The following ZNF407 variants were observed in gnomAD, a reference collection of about 807,000 sequenced individuals.
ZNF407 encodes zinc finger protein 407.
ZNF407 carries 17 observed loss-of-function variants against 131.2 expected under a neutral mutation model. The ratio of observed to expected loss-of-function variants is 0.13; its 90% CI spans 0.09 to 0.19. The LOEUF (loss-of-function observed/expected upper bound fraction) is 0.19. Among genes scored for constraint, ZNF407 ranks in the 10% least tolerant of loss-of-function variants. The probability of loss-of-function intolerance (pLI) is 1.00; values close to 1 mark genes in which losing one functional copy is unlikely to be tolerated. For missense variants in ZNF407, 2,681 were observed against 2,830.6 expected, an observed-to-expected ratio of 0.95 and a Z score of 1.20; for synonymous variants, 1,156 against 1,062.0, an observed-to-expected ratio of 1.09 and a Z score of -1.72.
intron 8 of ZNF407, among the ~76,000 whole-genome samples, chr18:75,006,057 G>T (rs143656667): frequency 6.6e-6 from 1 of 152,280 alleles, no homozygotes; most frequent in East Asian, 1.9e-4. Context: ...ACTGAGAGAG[G>T]CATGTCGGAT....
At chr18:74,981,175 T>C (rs1005689652) in intron 8 of ZNF407, among the ~76,000 whole-genome samples, 2 of 152,242 alleles carry the variant, frequency 1.3e-5, no homozygotes, top group African/African-American at 4.8e-5. Flanking sequence ...AGTGTCTTGA[T>C]ACTCAACGCC....
At chr18:74,980,330 G>A (rs953324007) in intron 8 of ZNF407, among the ~76,000 whole-genome samples, 4 of 150,712 alleles carry the variant, frequency 2.7e-5, no homozygotes, top group Non-Finnish European at 4.4e-5. Context: ...TTTTTGAGAC[G>A]GAGTTTCGCT....
chr18:74,603,966 A>G (rs1211510241), intron 1 of ZNF407, among the ~76,000 whole-genome samples: 2 of 152,220 alleles, frequency 1.3e-5, no homozygotes. Flanking sequence ...GCCATAAAGA[A>G]CAAAGGAAAA....
At chr18:74,609,148 G>A (rs1168195139) in intron 1 of ZNF407, among the ~76,000 whole-genome samples, 1 of 152,162 alleles carries the variant, frequency 6.6e-6, no homozygotes, top group Non-Finnish European at 1.5e-5. Flanking sequence ...GCTGATCTCC[G>A]TCAATCAATC....
At chr18:74,802,314 T>C (rs1182338211) in intron 4 of ZNF407, among the ~76,000 whole-genome samples, 3 of 152,200 alleles carry the variant, frequency 2.0e-5, no homozygotes, top group Non-Finnish European at 4.4e-5. Flanking sequence ...TGTTACTAGT[T>C]AATAGGCATA....
Position 74,881,052 on chromosome 18 carries a change from G to T in ZNF407, c.5061G>T (p.Leu1687=). Residue 1687 remains leucine (L), a synonymous_variant, in exon 6 of 9, where the codon CTG becomes CTT. Transcript: ENST00000299687. ...YRTHTGEKSF[L]CDLCGFAGGT... The stretch of plus-strand genomic sequence containing the variant: ...TTGCAACAGGCGAGAAGTCGTTTCT[G>T]TGTGACCTCTGCGGCTTTGCCGGCG... The T allele has an allele frequency of 6.3e-7, 1 of 1,586,812 alleles. No individual in the cohort carries two copies. Among genetic ancestry groups the T allele is most frequent in the Non-Finnish European group, 8.6e-7 (1 of 1,165,894 alleles).
At chr18:74,610,454 A>T in intron 1 of ZNF407, among the ~76,000 whole-genome samples, 1 of 152,094 alleles carries the variant, frequency 6.6e-6, no homozygotes, top group East Asian at 1.9e-4. Context: ...GTAATTACCC[A>T]TTTAGGTAAT....
intron 1 of ZNF407, chr18:74,598,598 T>G (rs1982421734): frequency 6.6e-6 from 1 of 152,350 alleles, no homozygotes; most frequent in Non-Finnish European, 1.5e-5. Flanking sequence ...GACGCTGGTG[T>G]GGGCGGGCGG....
intron 3 of ZNF407, among the ~76,000 whole-genome samples, chr18:74,766,463 G>T (rs537744802): frequency 6.6e-6 from 1 of 152,138 alleles, no homozygotes; most frequent in African/African-American, 2.4e-5. Flanking sequence ...TGATCTATGT[G>T]GCAATGCCTG....
intron 7 of ZNF407, among the ~76,000 whole-genome samples, chr18:74,919,916 C>G (rs973115499): frequency 1.3e-5 from 2 of 152,136 alleles, no homozygotes; most frequent in Admixed American, 6.5e-5. Context: ...ATATATGGGC[C>G]CTCCGTTGCA....
intron 3 of ZNF407, among the ~76,000 whole-genome samples, chr18:74,759,670 A>G (rs1227669860): frequency 2.6e-5 from 4 of 151,686 alleles, no homozygotes; most frequent in Non-Finnish European, 5.9e-5. Flanking sequence ...TTTTCGTTCA[A>G]TTATTTTACT....
intron 4 of ZNF407, among the ~76,000 whole-genome samples, chr18:74,811,852 C>T (rs1021704218): frequency 5.5e-5 from 8 of 145,512 alleles, no homozygotes; most frequent in Admixed American, 1.4e-4. Context: ...GGAAGGGGAA[C>T]ATCACACTCT....
intron 8 of ZNF407, among the ~76,000 whole-genome samples, chr18:74,929,665 C>T (rs1971959173): frequency 6.6e-6 from 1 of 152,186 alleles, no homozygotes; most frequent in South Asian, 2.1e-4. Context: ...TCATGTTGCC[C>T]ACTCGTGTTG....
chr18:74,721,107 T>C (rs1485502632), intron 3 of ZNF407, among the ~76,000 whole-genome samples: 3 of 152,276 alleles, frequency 2.0e-5, no homozygotes, highest in East Asian at 1.9e-4. Context: ...TTAAACAATA[T>C]TCTTATGATT....
At chr18:74,715,275 T>C (rs1318148299) in intron 3 of ZNF407, among the ~76,000 whole-genome samples, 1 of 152,234 alleles carries the variant, frequency 6.6e-6, no homozygotes, top group African/African-American at 2.4e-5. Flanking sequence ...CCATGTCGTA[T>C]TTTGTGGATC....
intron 8 of ZNF407, among the ~76,000 whole-genome samples, chr18:74,959,329 A>AT (rs1299073722): frequency 2.0e-5 from 3 of 152,220 alleles, no homozygotes; most frequent in Non-Finnish European, 4.4e-5. Context: ...AGGCAGCAGG[A>AT]TAAAAACTTC....
intron 8 of ZNF407, among the ~76,000 whole-genome samples, chr18:75,032,509 C>G (rs1262064019): frequency 1.3e-5 from 2 of 152,056 alleles, no homozygotes; most frequent in East Asian, 1.9e-4. Flanking sequence ...CCAACCTTCT[C>G]TCTTCTCTCG....
rs768556836 is a variant in ZNF407, at chr18:75,063,260, G to C, written c.5539G>C (p.Glu1847Gln). The change falls in exon 9 of 9, where the codon GAG (glutamate) becomes CAG (glutamine). Residue 1847 changes from glutamate to glutamine, a missense_variant. Around this residue, in one of 6 missense-constraint regions of ZNF407, gnomAD observed 620 missense variants for 583.1 expected, o/e 1.06. Coordinates refer to ENST00000299687, the MANE Select transcript of ZNF407 (RefSeq NM_017757.3). The surrounding 1 kb of genome is among the most constrained non-coding windows in gnomAD (Gnocchi z 6.6). ...AALAEEPLVK[E>Q]KPLRSSRRPA... ...CTTGGCAGAAGAGCCCCTCGTCAAG[G>C]AGAAGCCCCTCAGAAGCAGCAGGAG... 4 of 1,613,684 alleles carry C rather than the reference G, an allele frequency of 2.5e-6. No homozygotes were observed. The Admixed American group carries it at 5.0e-5, about 20-fold the overall frequency.
intron 8 of ZNF407, among the ~76,000 whole-genome samples, chr18:74,976,114 G>C (rs934338911): frequency 6.6e-6 from 1 of 152,148 alleles, no homozygotes; most frequent in African/African-American, 2.4e-5. Flanking sequence ...GTTTGGGGCT[G>C]GTTTTTATGG....
Sources: allele counts gnomAD v4.1 joint callset (sites outside exome capture counted in the v4.1 genomes callset), GRCh38; gene constraint gnomAD v4.1.1; regional missense constraint gnomAD v4.1.1; non-coding constraint Gnocchi (gnomAD v3.1); transcripts MANE v1.5; gene names NCBI Gene and HGNC (gene_info 2026-07-23, HGNC 2026-07-21).